The following CDH13 variants were observed in gnomAD, a reference collection of about 807,000 sequenced individuals.
CDH13 encodes cadherin 13, also known as cadherin-13.
In CDH13, 24 loss-of-function variants were observed where a neutral mutation model predicts 63.8. The observed-to-expected ratio is 0.38, with a 90% CI of 0.27 to 0.53. CDH13 has a LOEUF of 0.53. CDH13 is among the 20% of genes least tolerant of loss of function. The pLI is 0.85. For missense variants in CDH13, 1,049 were observed against 903.1 expected (o/e 1.16, Z -2.07); for synonymous variants, 503 against 355.3 (o/e 1.42, Z -4.67).
intron 1 of CDH13, among the ~76,000 whole-genome samples, chr16:82,748,754 C>G (rs1828579901): frequency 6.6e-6 from 1 of 152,150 alleles, no homozygotes; most frequent in African/African-American, 2.4e-5. Context: ...AGATGATCTC[C>G]TATAAAGAGC....
intron 6 of CDH13, among the ~76,000 whole-genome samples, chr16:83,402,878 TCTC>T (rs1405706388): frequency 6.6e-6 from 1 of 152,198 alleles, no homozygotes; most frequent in East Asian, 1.9e-4. Context: ...TACGTCCCCT[TCTC>T]CTTGCTTATG....
At chr16:83,609,123 A>G (rs12444865) in intron 8 of CDH13, among the ~76,000 whole-genome samples, 1,881 of 152,274 alleles carry the variant, frequency 0.012, 28 homozygotes, top group Middle Eastern at 0.031. Context: ...TCTGTCATAT[A>G]TATGAGCTAT....
intron 10 of CDH13, among the ~76,000 whole-genome samples, chr16:83,739,112 C>T (rs946831573): frequency 6.6e-6 from 1 of 152,134 alleles, no homozygotes; most frequent in Non-Finnish European, 1.5e-5. Flanking sequence ...GTGGGGAGGG[C>T]TCCCACTCTC....
At chr16:82,639,547 T>C (rs1909129656) in intron 1 of CDH13, 1 of 873,462 alleles carries the variant, frequency 1.1e-6, no homozygotes, top group South Asian at 1.5e-5. Flanking sequence ...CCTAAGTCAG[T>C]GCTTCCTGCA....
At chr16:83,351,216 C>A (rs561838510) in intron 6 of CDH13, among the ~76,000 whole-genome samples, 53 of 151,064 alleles carry the variant, frequency 3.5e-4, no homozygotes, top group Middle Eastern at 3.5e-3. Context: ...GCTGTAGGTT[C>A]CTCCATTCTC....
At chr16:83,511,737 C>A (rs990378946) in intron 7 of CDH13, among the ~76,000 whole-genome samples, 1 of 152,036 alleles carries the variant, frequency 6.6e-6, no homozygotes, top group Non-Finnish European at 1.5e-5. Flanking sequence ...AGAATGAAAT[C>A]GCAAAATAAA....
intron 5 of CDH13, among the ~76,000 whole-genome samples, chr16:83,255,910 T>G (rs1228646632): frequency 6.6e-6 from 1 of 152,140 alleles, no homozygotes; most frequent in Non-Finnish European, 1.5e-5. Flanking sequence ...GCTTGGCACA[T>G]AGTTGGCATA....
intron 7 of CDH13, among the ~76,000 whole-genome samples, chr16:83,520,115 A>C (rs910345235): frequency 6.6e-6 from 1 of 152,144 alleles, no homozygotes; most frequent in Non-Finnish European, 1.5e-5. Flanking sequence ...GAGTCTTGCA[A>C]TGTTTTTCAA....
intron 5 of CDH13, among the ~76,000 whole-genome samples, chr16:83,241,233 C>T (rs1194601755): frequency 1.3e-5 from 2 of 152,174 alleles, no homozygotes; most frequent in Non-Finnish European, 1.5e-5. Flanking sequence ...ATTATCCATT[C>T]ATCTATCAGT....
intron 5 of CDH13, among the ~76,000 whole-genome samples, chr16:83,257,926 ATC>A (rs1415946405): frequency 6.6e-6 from 1 of 152,146 alleles, no homozygotes; most frequent in African/African-American, 2.4e-5. Context: ...CCTCACCAGC[ATC>A]TGTTATTTTT....
intron 8 of CDH13, among the ~76,000 whole-genome samples, chr16:83,667,772 C>G (rs180799056): frequency 3.5e-4 from 53 of 152,258 alleles, no homozygotes; most frequent in African/African-American, 1.2e-3. Flanking sequence ...ATCGTCCCAC[C>G]TCAGCCTCCT....
chr16:83,006,795 A>G (rs1597394990), intron 2 of CDH13, among the ~76,000 whole-genome samples: 1 of 152,232 alleles, frequency 6.6e-6, no homozygotes, highest in South Asian at 2.1e-4. Context: ...TGGATGTTTT[A>G]GAATAGAATA....
chr16:82,897,218 G>C (rs1276789032), intron 2 of CDH13, among the ~76,000 whole-genome samples: 1 of 152,150 alleles, frequency 6.6e-6, no homozygotes, highest in Non-Finnish European at 1.5e-5. Context: ...CTGGCCAGCA[G>C]CAGCATGTGG....
chr16:82,936,441 A>C (rs1484409300), intron 2 of CDH13, among the ~76,000 whole-genome samples: 1 of 152,098 alleles, frequency 6.6e-6, no homozygotes. Context: ...GAGGTAGAAC[A>C]GTTTCAACCC....
At chr16:83,708,628 C>A (rs1907516209) in intron 10 of CDH13, among the ~76,000 whole-genome samples, 1 of 152,170 alleles carries the variant, frequency 6.6e-6, no homozygotes, top group African/African-American at 2.4e-5. Flanking sequence ...CTAGTCCTTA[C>A]CTTATACAGT....
At chr16:83,728,196 A>G (rs1484376626) in intron 10 of CDH13, among the ~76,000 whole-genome samples, 3 of 152,076 alleles carry the variant, frequency 2.0e-5, no homozygotes, top group Admixed American at 6.5e-5. Context: ...CCTCGACCAC[A>G]GGGTTTAAGT....
At chr16:83,464,397 A>C (rs2073257339) in intron 6 of CDH13, among the ~76,000 whole-genome samples, 1 of 152,220 alleles carries the variant, frequency 6.6e-6, no homozygotes. Context: ...CTGTAATCCC[A>C]GCTACTAAGG....
chr16:82,811,773 G>T (rs1248681394), intron 1 of CDH13, among the ~76,000 whole-genome samples: 2 of 152,058 alleles, frequency 1.3e-5, no homozygotes, highest in Non-Finnish European at 2.9e-5. Context: ...TATGACAATT[G>T]GGTATGTATA....
At chr16:83,193,974 A>G (rs1403191606) in intron 4 of CDH13, among the ~76,000 whole-genome samples, 1 of 152,178 alleles carries the variant, frequency 6.6e-6, no homozygotes, top group African/African-American at 2.4e-5. Context: ...CCTCATCCCC[A>G]CAATACGAGG....
Sources: gnomAD v4.1 joint callset for allele counts (sites outside exome capture counted in the v4.1 genomes callset) on GRCh38, gnomAD v4.1.1 for gene constraint, MANE v1.5 for transcripts, NCBI Gene and HGNC (gene_info 2026-07-23, HGNC 2026-07-21) for gene names.